The following BMP6 variants were observed in gnomAD, a reference collection of about 807,000 sequenced individuals.
BMP6 encodes VG-1-R.
Under a neutral mutation model 54.1 loss-of-function variants are expected in BMP6, and 17 were observed. The observed-to-expected ratio is 0.31, with a 90% CI of 0.22 to 0.47. The LOEUF (loss-of-function observed/expected upper bound fraction) is 0.47. Among genes scored for constraint, BMP6 ranks in the 20% least tolerant of loss-of-function variants. The pLI is 1.00. For missense variants in BMP6, 720 were observed against 690.4 expected, an observed-to-expected ratio of 1.04 and a Z score of -0.48; for synonymous variants, 328 against 291.2, an observed-to-expected ratio of 1.13 and a Z score of -1.28.
chr6:7,843,769 A>G (rs906844056), intron 1 of BMP6, among the ~76,000 whole-genome samples: 2 of 152,166 alleles, frequency 1.3e-5, no homozygotes, highest in Admixed American at 6.5e-5. Flanking sequence ...GTTTGATATC[A>G]CTTTTCTCAC....
intron 1 of BMP6, among the ~76,000 whole-genome samples, chr6:7,739,026 C>T (rs1762003524): frequency 6.6e-6 from 1 of 152,172 alleles, no homozygotes; most frequent in African/African-American, 2.4e-5. Context: ...GGGGTCAAAT[C>T]TTCATAGGGT....
intron 4 of BMP6, among the ~76,000 whole-genome samples, chr6:7,876,640 A>AC (rs1759621729): frequency 2.0e-5 from 3 of 152,124 alleles, no homozygotes; most frequent in African/African-American, 7.3e-5. Context: ...TTTAATGTAT[A>AC]ACTAATCTGT....
intron 1 of BMP6, among the ~76,000 whole-genome samples, chr6:7,808,001 A>G (rs995792152): frequency 1.2e-4 from 17 of 145,766 alleles, no homozygotes; most frequent in African/African-American, 3.1e-4. Context: ...GCTCACTGCA[A>G]TCTCCACTTC....
intron 1 of BMP6, among the ~76,000 whole-genome samples, chr6:7,816,704 G>T (rs1358445878): frequency 1.3e-5 from 2 of 152,182 alleles, no homozygotes; most frequent in East Asian, 3.9e-4. Flanking sequence ...CTTGATTAAA[G>T]TGCACAGCAG....
intron 1 of BMP6, among the ~76,000 whole-genome samples, chr6:7,826,782 A>G (rs1758704345): frequency 6.6e-6 from 1 of 152,190 alleles, no homozygotes; most frequent in Non-Finnish European, 1.5e-5. Context: ...ATAGCCACAC[A>G]GTCACCTCTC....
rs548532211 is a variant in BMP6, at chr6:7,742,708, G to A, written c.664+15089G>A. 1.6e-3 allele frequency among the ~76,000 whole-genome samples: 243 copies of A among 152,260 alleles called. No homozygotes were observed. In the Middle Eastern group the frequency reaches 0.017, roughly 11 times the overall value. On this transcript the variant is annotated intron_variant, in intron 1 of 6. Coordinates refer to ENST00000283147, the MANE Select transcript of BMP6 (RefSeq NM_001718.6). The stretch of plus-strand genomic sequence containing the variant: ...AATGAATCAGGCAGAATTAAACCCT[G>A]AGTGGCCAATCCGGAGAGCCTGCTT...
At chr6:7,821,600 G>A (rs75505233) in intron 1 of BMP6, among the ~76,000 whole-genome samples, 324 of 152,268 alleles carry the variant, frequency 2.1e-3, no homozygotes, top group Non-Finnish European at 3.3e-3. Flanking sequence ...TGTGGGTTTG[G>A]GATCATGTCC....
intron 1 of BMP6, among the ~76,000 whole-genome samples, chr6:7,775,644 C>A (rs1757851947): frequency 6.6e-6 from 1 of 152,182 alleles, no homozygotes; most frequent in South Asian, 2.1e-4. Context: ...GGGTTCATGT[C>A]CCCAGTTGTA....
At chr6:7,855,180 C>T (rs1186334022) in intron 2 of BMP6, among the ~76,000 whole-genome samples, 6 of 152,298 alleles carry the variant, frequency 3.9e-5, no homozygotes, top group African/African-American at 1.4e-4. Context: ...AGATAGCTTT[C>T]AACTCTAAGT....
intron 1 of BMP6, among the ~76,000 whole-genome samples, chr6:7,784,838 A>T (rs1757998650): frequency 6.6e-6 from 1 of 152,150 alleles, no homozygotes. Flanking sequence ...GCAGCCTTCT[A>T]CCTTGGGATT....
Position 7,739,204 on chromosome 6 carries a change from G to GAAGATTTGATCTTCTAA in BMP6, c.664+11586_664+11587insAGATTTGATCTTCTAAA, listed in dbSNP as rs1762006193. 1.9e-4 allele frequency among the ~76,000 whole-genome samples: 29 copies of GAAGATTTGATCTTCTAA among 152,302 alleles called. No homozygotes were observed. In the South Asian group the frequency reaches 6.0e-3, roughly 32 times the overall value. On this transcript the variant is annotated intron_variant, in intron 1 of 6. Coordinates refer to ENST00000283147, the MANE Select transcript of BMP6 (RefSeq NM_001718.6). ...ACCCTGTCAGCATTTTGTTTCTAAA[G>GAAGATTTGATCTTCTAA]ACTGTAATTTAGAAGATTTGATCCT...
intron 2 of BMP6, among the ~76,000 whole-genome samples, chr6:7,855,729 A>G (rs563345339): frequency 7.6e-4 from 116 of 151,678 alleles, no homozygotes; most frequent in East Asian, 1.7e-3. Context: ...GGGTTTTGCC[A>G]TGTTGCCCAG....
At chr6:7,801,340 T>A (rs1422649579) in intron 1 of BMP6, among the ~76,000 whole-genome samples, 1 of 152,242 alleles carries the variant, frequency 6.6e-6, no homozygotes, top group Non-Finnish European at 1.5e-5. Context: ...CGCTGAGCGG[T>A]GACGCACTGA....
At position 7,880,401 on chromosome 6, in the gene BMP6, C is replaced by T; in HGVS notation, c.*58C>T. 2 of 1,600,716 alleles carry T rather than the reference C, an allele frequency of 1.2e-6. No individual in the cohort carries two copies. Among genetic ancestry groups the T allele is most frequent in the Non-Finnish European group, 8.5e-7 (1 of 1,170,312 alleles). Reference sequence around the variant, plus strand: ...CCTTGGATTCCTAGATTACATCTGCCTTAAAAAAACACGGAAGCACAGTTG... The same window carrying T: ...CCTTGGATTCCTAGATTACATCTGCTTTAAAAAAACACGGAAGCACAGTTG... On this transcript the variant is annotated 3_prime_UTR_variant, in exon 7 of 7. Transcript: ENST00000283147.
At chr6:7,787,809 C>G (rs1375934141) in intron 1 of BMP6, among the ~76,000 whole-genome samples, 2 of 152,200 alleles carry the variant, frequency 1.3e-5, no homozygotes, top group Non-Finnish European at 2.9e-5. Context: ...ATAGTAATAA[C>G]AAGATTTCTT....
chr6:7,864,166 C>G (rs768181117), intron 4 of BMP6, among the ~76,000 whole-genome samples: 1 of 152,182 alleles, frequency 6.6e-6, no homozygotes, highest in African/African-American at 2.4e-5. Flanking sequence ...ACTTCTGACT[C>G]TAATGCCAGT....
chr6:7,750,934 T>TGGATCCATCTCA (rs1260592977), intron 1 of BMP6, among the ~76,000 whole-genome samples: 1 of 152,206 alleles, frequency 6.6e-6, no homozygotes, highest in Non-Finnish European at 1.5e-5. Context: ...TGATGTTGGA[T>TGGATCCATCTCA]GGATCCATCT....
intron 1 of BMP6, among the ~76,000 whole-genome samples, chr6:7,816,466 C>T (rs1241182177): frequency 1.3e-5 from 2 of 152,240 alleles, no homozygotes; most frequent in South Asian, 4.1e-4. Flanking sequence ...ATGTATTTTC[C>T]ACTGATTTGA....
At chr6:7,759,326 C>T (rs1484658648) in intron 1 of BMP6, among the ~76,000 whole-genome samples, 6 of 152,092 alleles carry the variant, frequency 3.9e-5, no homozygotes, top group African/African-American at 7.2e-5. Context: ...GTGGAGGGGA[C>T]GTCTGTGCAC....
Sources: allele counts gnomAD v4.1 joint callset (sites outside exome capture counted in the v4.1 genomes callset), GRCh38; gene constraint gnomAD v4.1.1; transcripts MANE v1.5; gene names NCBI Gene and HGNC (gene_info 2026-07-23, HGNC 2026-07-21).